Variants in SOX5 observed in about 807,000 individuals in gnomAD.
SOX5 encodes SRY-box transcription factor 5.
Under a neutral mutation model 92.0 loss-of-function variants are expected in SOX5, and 9 were observed. That is an observed-to-expected ratio of 0.10 (90% CI 0.06 to 0.17). SOX5 has a LOEUF of 0.17. Among genes scored for constraint, SOX5 ranks in the 10% least tolerant of loss-of-function variants. SOX5 has a pLI of 1.00. For synonymous variants in SOX5, 344 were observed against 336.3 expected (o/e 1.02, Z -0.25); for missense variants, 642 against 944.5 (o/e 0.68, Z 4.20).
chr12:23,797,342 A>G (rs1002152827), intron 3 of SOX5, among the ~76,000 whole-genome samples: 2 of 152,036 alleles, frequency 1.3e-5, no homozygotes, highest in African/African-American at 4.8e-5. Context: ...TCTTGGCCAT[A>G]TAATATGCTT....
intron 1 of SOX5, among the ~76,000 whole-genome samples, chr12:24,502,988 T>C (rs544860839): frequency 3.9e-5 from 6 of 152,166 alleles, no homozygotes; most frequent in African/African-American, 7.2e-5. Context: ...AGCTGAAGAA[T>C]TGTCACACTG....
At chr12:24,134,608 G>A (rs1949950504) in intron 4 of SOX5, among the ~76,000 whole-genome samples, 1 of 152,084 alleles carries the variant, frequency 6.6e-6, no homozygotes, top group Non-Finnish European at 1.5e-5. Flanking sequence ...TTGAGAGAGG[G>A]AGGTGAACAA....
At chr12:23,873,124 T>C (rs2096892278) in intron 2 of SOX5, among the ~76,000 whole-genome samples, 1 of 152,220 alleles carries the variant, frequency 6.6e-6, no homozygotes, top group Non-Finnish European at 1.5e-5. Flanking sequence ...AATACTTTTT[T>C]TCACTATAAC....
At chr12:23,890,882 AGCTC>A (rs2097124237) in intron 2 of SOX5, among the ~76,000 whole-genome samples, 1 of 152,170 alleles carries the variant, frequency 6.6e-6, no homozygotes, top group Non-Finnish European at 1.5e-5. Context: ...ATAAGAATAA[AGCTC>A]AGGACTGCCT....
intron 3 of SOX5, among the ~76,000 whole-genome samples, chr12:23,759,866 A>G (rs2141307033): frequency 6.6e-6 from 1 of 152,202 alleles, no homozygotes; most frequent in Non-Finnish European, 1.5e-5. Flanking sequence ...ATAGAATCGT[A>G]TTTTGTACTA....
intron 1 of SOX5, among the ~76,000 whole-genome samples, chr12:24,409,035 T>C (rs1002607982): frequency 1.4e-4 from 22 of 152,202 alleles, no homozygotes; most frequent in African/African-American, 5.3e-4. Context: ...CAAATGTTTG[T>C]TGCAGCACTA....
chr12:24,260,190 G>A (rs1594896831), intron 3 of SOX5, among the ~76,000 whole-genome samples: 1 of 152,182 alleles, frequency 6.6e-6, no homozygotes, highest in Admixed American at 6.5e-5. Flanking sequence ...CAGGCACACT[G>A]GAGAAGAGCA....
intron 2 of SOX5, among the ~76,000 whole-genome samples, chr12:24,335,238 A>G (rs1951758535): frequency 6.8e-6 from 1 of 146,854 alleles, no homozygotes; most frequent in Admixed American, 7.0e-5. Flanking sequence ...TGCAGCACAT[A>G]CAACTTCCTT....
intron 6 of SOX5, among the ~76,000 whole-genome samples, chr12:23,680,832 G>GA (rs2086505758): frequency 6.6e-6 from 1 of 151,758 alleles, no homozygotes; most frequent in Admixed American, 6.6e-5. Flanking sequence ...GACGTCAATG[G>GA]AAAAAAATAA....
intron 4 of SOX5, among the ~76,000 whole-genome samples, chr12:24,164,962 G>A (rs540600005): frequency 2.6e-5 from 4 of 152,114 alleles, no homozygotes; most frequent in Admixed American, 2.0e-4. Context: ...CAGAGTGTAA[G>A]AAAGCAATAT....
intron 1 of SOX5, among the ~76,000 whole-genome samples, chr12:24,500,841 G>A (rs751029147): frequency 5.3e-5 from 8 of 152,026 alleles, no homozygotes; most frequent in Non-Finnish European, 7.4e-5. Context: ...TGTATAAAAA[G>A]GAAAGACAAT....
intron 1 of SOX5, among the ~76,000 whole-genome samples, chr12:24,541,885 T>C (rs1255303356): frequency 1.3e-5 from 2 of 152,156 alleles, no homozygotes; most frequent in Non-Finnish European, 2.9e-5. Flanking sequence ...TTTCCTCAAG[T>C]ATTTCAAAGA....
intron 4 of SOX5, among the ~76,000 whole-genome samples, chr12:24,049,501 G>A (rs917126229): frequency 1.3e-5 from 2 of 152,040 alleles, no homozygotes; most frequent in South Asian, 2.1e-4. Context: ...ATATTCCAAT[G>A]AACATGGCAA....
rs56939628 is a variant in SOX5 at position 24,269,839 on chromosome 12, A to ATTT, written c.-77+7374_-77+7376dup. On this transcript the variant is annotated intron_variant, in intron 3 of 4. Transcript: ENST00000446891. Reference sequence around the variant, plus strand: ...GAATACAGGCATGTTCCACCATGCAATTTTTTTTTTTTTTTTTTTTTTTTT... The same window carrying ATTT: ...GAATACAGGCATGTTCCACCATGCAATTTTTTTTTTTTTTTTTTTTTTTTTTTT... 1.9e-3 allele frequency among the ~76,000 whole-genome samples: 121 copies of ATTT among 62,124 alleles called. 9 individuals carry two copies. Among genetic ancestry groups the ATTT allele is most frequent in the African/African-American group, 4.5e-3 (80 of 17,936 alleles). 40.8% of individuals were successfully genotyped at this position (62,124 alleles called of 152,430 possible).
At chr12:24,422,709 T>A (rs578052345) in intron 1 of SOX5, among the ~76,000 whole-genome samples, 2 of 152,260 alleles carry the variant, frequency 1.3e-5, no homozygotes, top group East Asian at 1.9e-4. Context: ...ATAAAAAAGG[T>A]AACAATTTAG....
chr12:24,031,038 G>T (rs948889958), intron 4 of SOX5, among the ~76,000 whole-genome samples: 1 of 151,610 alleles, frequency 6.6e-6, no homozygotes, highest in African/African-American at 2.4e-5. Flanking sequence ...AAAGACGAAA[G>T]GTAACAAGTG....
At chr12:23,589,616 T>C (rs778122430) in intron 9 of SOX5, among the ~76,000 whole-genome samples, 9 of 152,024 alleles carry the variant, frequency 5.9e-5, no homozygotes, top group Non-Finnish European at 1.0e-4. Context: ...TAGTTCACTA[T>C]AGATAATATC....
intron 8 of SOX5, among the ~76,000 whole-genome samples, chr12:23,619,769 T>A (rs1236033414): frequency 6.6e-6 from 1 of 152,158 alleles, no homozygotes; most frequent in Non-Finnish European, 1.5e-5. Context: ...ACCGCTTCAG[T>A]GTGGTTTTCT....
At chr12:23,840,586 A>T (rs2096500006) in intron 3 of SOX5, among the ~76,000 whole-genome samples, 1 of 152,160 alleles carries the variant, frequency 6.6e-6, no homozygotes. Flanking sequence ...AAGACTTATT[A>T]TCAAGCTACG....
Sources: allele counts gnomAD v4.1 joint callset (sites outside exome capture counted in the v4.1 genomes callset), GRCh38; gene constraint gnomAD v4.1.1; transcripts MANE v1.5; gene names NCBI Gene and HGNC (gene_info 2026-07-23, HGNC 2026-07-21).